The following FRYL variants were observed in gnomAD, a reference collection of about 807,000 sequenced individuals.
The protein encoded by FRYL is protein furry homolog-like.
In FRYL, 150 loss-of-function variants were observed where a neutral mutation model predicts 351.2. That is an observed-to-expected ratio of 0.43 (90% CI 0.37 to 0.49). The LOEUF (loss-of-function observed/expected upper bound fraction) is 0.49. Among genes scored for constraint, FRYL ranks in the 20% least tolerant of loss-of-function variants. FRYL has a pLI of 0.00. For missense variants in FRYL, 3,036 were observed against 3,619.3 expected (o/e 0.84, Z 4.13); for synonymous variants, 1,153 against 1,257.1 (o/e 0.92, Z 1.75).
intron 2 of FRYL, among the ~76,000 whole-genome samples, chr4:48,695,792 T>G (rs753386330): frequency 3.3e-5 from 5 of 151,790 alleles, no homozygotes; most frequent in Non-Finnish European, 7.4e-5. Context: ...CTGACAAAGG[T>G]CTAATATCCA....
chr4:48,673,693 G>A (rs1354494229), intron 3 of FRYL, among the ~76,000 whole-genome samples: 3 of 152,134 alleles, frequency 2.0e-5, no homozygotes. Flanking sequence ...GTAATCAAAA[G>A]GCCTCAAATA....
At chr4:48,603,752 C>T (rs991335263) in intron 11 of FRYL, among the ~76,000 whole-genome samples, 1 of 152,220 alleles carries the variant, frequency 6.6e-6, no homozygotes, top group African/African-American at 2.4e-5. Flanking sequence ...TCCCATTTAA[C>T]CTTGCTGGCC....
chr4:48,625,197 C>A (rs1751529479), intron 4 of FRYL, among the ~76,000 whole-genome samples: 1 of 152,122 alleles, frequency 6.6e-6, no homozygotes, highest in Admixed American at 6.6e-5. Flanking sequence ...CTATTGGTTC[C>A]ATTTCTCTGG....
chr4:48,559,825 A>C (rs771285998), intron 33 of FRYL, among the ~76,000 whole-genome samples: 1 of 152,150 alleles, frequency 6.6e-6, no homozygotes, highest in Non-Finnish European at 1.5e-5. Flanking sequence ...GGAAATATTA[A>C]GTTTTTGGAA....
At chr4:48,629,471 T>C (rs1259127707) in intron 4 of FRYL, among the ~76,000 whole-genome samples, 2 of 152,184 alleles carry the variant, frequency 1.3e-5, no homozygotes, top group Non-Finnish European at 2.9e-5. Context: ...CAGTCAGTCA[T>C]TCACTCATTT....
chr4:48,671,832 G>A (rs557421973), intron 3 of FRYL, among the ~76,000 whole-genome samples: 56 of 128,190 alleles, frequency 4.4e-4, no homozygotes, highest in African/African-American at 5.3e-4. Context: ...CAGCCTGGGC[G>A]AGAGAGAGAG....
chr4:48,507,206 C>CTGAT (rs1439960222), intron 59 of FRYL, among the ~76,000 whole-genome samples: 6 of 152,202 alleles, frequency 3.9e-5, no homozygotes, highest in African/African-American at 2.4e-5. Flanking sequence ...CAAAATATTG[C>CTGAT]TGATTTTTAT....
chr4:48,660,704 A>T (rs1338815916), intron 3 of FRYL, among the ~76,000 whole-genome samples: 1 of 152,212 alleles, frequency 6.6e-6, no homozygotes, highest in Non-Finnish European at 1.5e-5. Flanking sequence ...CAAGGTTAAC[A>T]TTATCAGTGA....
chr4:48,691,412 C>G (rs1297886289), intron 2 of FRYL, among the ~76,000 whole-genome samples: 1 of 151,910 alleles, frequency 6.6e-6, no homozygotes, highest in Non-Finnish European at 1.5e-5. Context: ...AATATATTGA[C>G]TACTTTGCGA....
At chr4:48,502,132 A>G (rs1281889516) in intron 61 of FRYL, among the ~76,000 whole-genome samples, 1 of 152,214 alleles carries the variant, frequency 6.6e-6, no homozygotes, top group East Asian at 1.9e-4. Flanking sequence ...TGCTTGATAA[A>G]GCAAAGTGAA....
intron 3 of FRYL, among the ~76,000 whole-genome samples, chr4:48,664,696 AT>A (rs1239456787): frequency 6.6e-6 from 1 of 152,226 alleles, no homozygotes. Flanking sequence ...CATCTTGTTT[AT>A]TTATGAAGGG....
At chr4:48,531,880 GTGA>G (rs548921132) in intron 49 of FRYL, among the ~76,000 whole-genome samples, 33 of 152,142 alleles carry the variant, frequency 2.2e-4, no homozygotes, top group Middle Eastern at 3.4e-3. Flanking sequence ...CCATGCTAAT[GTGA>G]TGTTCTCAGG....
chr4:48,753,412 C>T (rs1256508021), intron 1 of FRYL, among the ~76,000 whole-genome samples: 2 of 152,142 alleles, frequency 1.3e-5, no homozygotes, highest in Non-Finnish European at 2.9e-5. Flanking sequence ...TGAACATATT[C>T]TAGGTGACTC....
intron 21 of FRYL, 129 bp from the exon 22 acceptor site, chr4:48,581,080 C>A: frequency 1.7e-6 from 1 of 585,294 alleles, no homozygotes. Context: ...GAGTCTCGCT[C>A]TGTCACCCAG....
At chr4:48,640,221 CT>C (rs1755059427) in intron 3 of FRYL, among the ~76,000 whole-genome samples, 2 of 152,102 alleles carry the variant, frequency 1.3e-5, no homozygotes, top group Admixed American at 1.3e-4. Flanking sequence ...CTTATAGCAG[CT>C]TTATTCATAA....
At chr4:48,648,421 T>C (rs527598409) in intron 3 of FRYL, among the ~76,000 whole-genome samples, 4 of 152,244 alleles carry the variant, frequency 2.6e-5, no homozygotes, top group African/African-American at 7.2e-5. Context: ...TTCTAGCACT[T>C]GATATCCCTT....
rs1358368309 is a variant in FRYL at position 48,579,251 on chromosome 4, G to A, written c.2260-10C>T. 4 of 1,572,362 alleles carry A rather than the reference G, an allele frequency of 2.5e-6. No individual in the cohort carries two copies. The highest frequency in any genetic ancestry group is 4.0e-5 in the Admixed American group (2 of 50,358). On this transcript the variant is annotated splice_polypyrimidine_tract_variant and intron_variant, in intron 22 of 63. Coordinates refer to ENST00000358350, the MANE Select transcript of FRYL (RefSeq NM_015030.2). Reference sequence around the variant, plus strand: ...AATAGAGCAAAGTAGTCTATATGGAGAGGAAAAAATTGATTATTACACATT... The same window carrying A: ...AATAGAGCAAAGTAGTCTATATGGAAAGGAAAAAATTGATTATTACACATT...
Position 48,519,490 on chromosome 4 carries a change from TC to T in FRYL, c.7689+1557del, listed in dbSNP as rs375916645. ...GAATTTTCCACACTGAAATGTAATT[TC>T]TTTTTTTTTTTTTTTTAATTTTTTA... On this transcript the variant is annotated intron_variant, in intron 55 of 63. Coordinates refer to ENST00000358350, the MANE Select transcript of FRYL (RefSeq NM_015030.2). 2.5e-3 allele frequency among the ~76,000 whole-genome samples: 347 copies of T among 140,404 alleles called. 1 individual carries two copies. The highest frequency in any genetic ancestry group is 8.2e-3 in the African/African-American group (328 of 40,082). The allele number at this position is 140,404 out of a possible 152,430, so 92.1% of individuals were successfully genotyped here. A position where few individuals can be genotyped will look rare whatever the true frequency, so the allele number is the denominator to read the frequency against.
intron 1 of FRYL, among the ~76,000 whole-genome samples, chr4:48,746,177 A>G (rs1476983650): frequency 1.3e-5 from 2 of 152,224 alleles, no homozygotes; most frequent in African/African-American, 4.8e-5. Context: ...CACTGTGGTT[A>G]GGAGTCGGCA....
Sources: allele counts gnomAD v4.1 joint callset (sites outside exome capture counted in the v4.1 genomes callset), GRCh38; gene constraint gnomAD v4.1.1; transcripts MANE v1.5; gene names NCBI Gene and HGNC (gene_info 2026-07-23, HGNC 2026-07-21).